Variants in RBFOX3 observed in about 807,000 individuals in gnomAD.
RBFOX3 encodes the protein RNA binding fox-1 homolog 3.
In RBFOX3, 17 loss-of-function variants were observed where a neutral mutation model predicts 48.7. That is an observed-to-expected ratio of 0.35 (90% confidence interval 0.24 to 0.52). The LOEUF (loss-of-function observed/expected upper bound fraction) is 0.52. RBFOX3 is among the 20% of genes least tolerant of loss of function. The probability of loss-of-function intolerance (pLI) is 0.94; values close to 1 mark genes in which losing one functional copy is unlikely to be tolerated. For synonymous variants in RBFOX3, 212 were observed against 209.5 expected (o/e 1.01, Z -0.10); for missense variants, 382 against 497.5 (o/e 0.77, Z 2.21).
At chr17:79,533,096 A>G (rs2088092684) in intron 1 of RBFOX3, among the ~76,000 whole-genome samples, 1 of 152,252 alleles carries the variant, frequency 6.6e-6, no homozygotes, top group Non-Finnish European at 1.5e-5. Context: ...CCTGTGAAAG[A>G]GGCGTTGCCC....
rs1329140646 is a variant in RBFOX3, at chr17:79,421,644, C to T, written c.-175+60810G>A. Among the ~76,000 whole-genome samples the T allele has an allele frequency of 6.6e-6, 1 of 152,048 alleles. No individual in the cohort carries two copies. The highest frequency in any genetic ancestry group is 2.4e-5 in the African/African-American group (1 of 41,406). On this transcript the variant is annotated intron_variant, in intron 2 of 14. Transcript: ENST00000693108. The surrounding 1 kb of genome is among the most constrained non-coding windows in gnomAD (Gnocchi z 4.5). ...GACCCCTGACCAGGGCATGCGGGAC[C>T]CCAGGGGCACACCGAACGCGGTCAC...
At chr17:79,259,650 A>G (rs1298347317) in intron 3 of RBFOX3, among the ~76,000 whole-genome samples, 1 of 152,116 alleles carries the variant, frequency 6.6e-6, no homozygotes, top group Non-Finnish European at 1.5e-5. Context: ...GGGGGCTGAG[A>G]GCAGGGACCT....
intron 3 of RBFOX3, among the ~76,000 whole-genome samples, chr17:79,266,125 C>T (rs2066660750): frequency 1.3e-5 from 2 of 152,198 alleles, no homozygotes; most frequent in South Asian, 2.1e-4. Context: ...GCCCTCCTTC[C>T]TTTGATTCCA....
At chr17:79,394,499 G>T (rs564278313) in intron 2 of RBFOX3, among the ~76,000 whole-genome samples, 3 of 152,314 alleles carry the variant, frequency 2.0e-5, no homozygotes, top group African/African-American at 7.2e-5. Context: ...CAAAAATGGA[G>T]CAAGCCACGC....
upstream of RBFOX3, among the ~76,000 whole-genome samples, chr17:79,615,456 G>A (rs903109623): frequency 1.3e-5 from 2 of 152,054 alleles, no homozygotes; most frequent in Non-Finnish European, 2.9e-5. Context: ...GCTGTGTACC[G>A]GGCAAGAGGT....
intron 4 of RBFOX3, among the ~76,000 whole-genome samples, chr17:79,166,272 G>A (rs1455944698): frequency 1.3e-5 from 2 of 152,072 alleles, no homozygotes; most frequent in African/African-American, 4.8e-5. Flanking sequence ...GCAGCCTCCC[G>A]TGGGAGGGGA....
chr17:79,261,635 G>A (rs1341509928), intron 3 of RBFOX3, among the ~76,000 whole-genome samples: 1 of 152,246 alleles, frequency 6.6e-6, no homozygotes, highest in Non-Finnish European at 1.5e-5. Flanking sequence ...CAAGGTCCCA[G>A]GTGACACGGA....
intron 3 of RBFOX3, among the ~76,000 whole-genome samples, chr17:79,280,192 T>G (rs1385830502): frequency 6.8e-6 from 1 of 146,420 alleles, no homozygotes; most frequent in Non-Finnish European, 1.5e-5. Context: ...ACATGCACAC[T>G]TATACACACC....
chr17:79,469,724 G>C (rs1191697570), intron 2 of RBFOX3, among the ~76,000 whole-genome samples: 2 of 152,194 alleles, frequency 1.3e-5, no homozygotes, highest in Non-Finnish European at 2.9e-5. Flanking sequence ...TCTGAGCTAA[G>C]AGAGGGAAGG....
chr17:79,343,366 A>T (rs2082390366), intron 2 of RBFOX3, among the ~76,000 whole-genome samples: 2 of 152,002 alleles, frequency 1.3e-5, no homozygotes, highest in Non-Finnish European at 2.9e-5. Flanking sequence ...AAAATACAAA[A>T]ATTAGCCAGG....
chr17:79,635,099 A>C, the RBFOX3 span, among the ~76,000 whole-genome samples: 2 of 120,154 alleles, frequency 1.7e-5, no homozygotes, highest in Admixed American at 9.7e-5. Flanking sequence ...AAAAAAAAAA[A>C]AACGTTGGCA....
In RBFOX3 at chr17:79,184,266, G is replaced by T. The variant is rs148627292; in HGVS notation, c.-34+51500C>A. 3.8e-3 allele frequency among the ~76,000 whole-genome samples: 583 copies of T among 152,308 alleles called. 3 individuals carry two copies. Among genetic ancestry groups the T allele is most frequent in the African/African-American group, 0.013 (549 of 41,568 alleles). On this transcript the variant is annotated intron_variant, in intron 4 of 14. Coordinates refer to ENST00000693108, the MANE Select transcript of RBFOX3 (RefSeq NM_001350451.2). Reference sequence around the variant, plus strand: ...CATACATCCCAGCCTCCTGCCACAGGCACCTGGTCTTGTGGCTACTTAGAT... The same window carrying T: ...CATACATCCCAGCCTCCTGCCACAGTCACCTGGTCTTGTGGCTACTTAGAT...
rs56069609 is a variant in RBFOX3 at position 79,090,070 on chromosome 17, G to C, written c.*813C>G. On this transcript the variant is annotated 3_prime_UTR_variant, in exon 15 of 15. Transcript: ENST00000693108. ...GTCAGCCTTGGTGTACACAGGCCCC[G>C]GGCCTCCTCCAGAAAGGGAGAGATG... The C allele has an allele frequency of 0.065, 9,896 of 152,430 alleles. 407 individuals carry two copies. The highest frequency in any genetic ancestry group is 0.088 in the Non-Finnish European group (5,985 of 68,106). The allele number at this position is 152,430 out of a possible 1,614,324, so 9.4% of individuals were successfully genotyped here.
intron 1 of RBFOX3, among the ~76,000 whole-genome samples, chr17:79,566,165 C>T (rs2092446586): frequency 6.6e-6 from 1 of 152,140 alleles, no homozygotes; most frequent in Non-Finnish European, 1.5e-5. Flanking sequence ...AGCCCTATGG[C>T]ACATCTCTAG....
chr17:79,652,582 G>GAA, the RBFOX3 span, among the ~76,000 whole-genome samples: 1 of 136,666 alleles, frequency 7.3e-6, no homozygotes, highest in African/African-American at 2.8e-5. Flanking sequence ...GAAAGGAGAG[G>GAA]AGAGGAGAGG....
At chr17:79,125,538 C>G (rs1166594269) in intron 4 of RBFOX3, among the ~76,000 whole-genome samples, 1 of 152,364 alleles carries the variant, frequency 6.6e-6, no homozygotes, top group East Asian at 1.9e-4. Context: ...TGTGGGACAA[C>G]GGGCCGGCAG....
chr17:79,129,948 A>T (rs1284747393), intron 4 of RBFOX3, among the ~76,000 whole-genome samples: 2 of 152,022 alleles, frequency 1.3e-5, no homozygotes, highest in Non-Finnish European at 2.9e-5. Context: ...AGGCCCAGGA[A>T]TGGGGGCTGG....
chr17:79,510,132 C>A (rs2083887220), intron 1 of RBFOX3, among the ~76,000 whole-genome samples: 1 of 152,154 alleles, frequency 6.6e-6, no homozygotes, highest in African/African-American at 2.4e-5. Context: ...GTTGGCCCTG[C>A]AGGTCAGCAG....
intron 2 of RBFOX3, among the ~76,000 whole-genome samples, chr17:79,342,548 A>C (rs2082269133): frequency 6.6e-6 from 1 of 152,128 alleles, no homozygotes; most frequent in Non-Finnish European, 1.5e-5. Flanking sequence ...CCTGCAATGA[A>C]TCCCCTCCCT....
Sources: allele counts gnomAD v4.1 joint callset (sites outside exome capture counted in the v4.1 genomes callset), GRCh38; gene constraint gnomAD v4.1.1; non-coding constraint Gnocchi (gnomAD v3.1); transcripts MANE v1.5; gene names NCBI Gene and HGNC (gene_info 2026-07-23, HGNC 2026-07-21).